STPG2: variants seen among roughly 807,000 people sequenced by gnomAD.
STPG2 encodes sperm-tail PG-rich repeat-containing protein 2.
In STPG2, 56 loss-of-function variants were observed where a neutral mutation model predicts 54.2. That is an observed-to-expected ratio of 1.03 (90% CI 0.83 to 1.29). STPG2 has a LOEUF of 1.29. Among genes scored for constraint, STPG2 ranks in the 50% most tolerant of loss-of-function variants. The pLI is 0.00. For synonymous variants in STPG2, 200 were observed against 181.8 expected (o/e 1.10, Z -0.81); for missense variants, 596 against 544.9 (o/e 1.09, Z -0.93).
chr4:97,477,860 C>T (rs1183436500), intron 4 of STPG2, among the ~76,000 whole-genome samples: 1 of 151,934 alleles, frequency 6.6e-6, no homozygotes, highest in Non-Finnish European at 1.5e-5. Flanking sequence ...TTTTCTATAT[C>T]CTTTGACAAA....
intron 10 of STPG2, among the ~76,000 whole-genome samples, chr4:97,613,248 T>A (rs1444239525): frequency 6.6e-6 from 1 of 152,072 alleles, no homozygotes; most frequent in Non-Finnish European, 1.5e-5. Context: ...AGTTCCTCAG[T>A]CTTTCCTTAT....
chr4:97,566,297 G>T (rs1732438737), intron 10 of STPG2, among the ~76,000 whole-genome samples: 1 of 152,196 alleles, frequency 6.6e-6, no homozygotes, highest in Non-Finnish European at 1.5e-5. Flanking sequence ...GAAAAGCACA[G>T]TATTGGGGTG....
At chr4:97,596,872 C>A (rs1733308820) in intron 10 of STPG2, among the ~76,000 whole-genome samples, 1 of 151,390 alleles carries the variant, frequency 6.6e-6, no homozygotes, top group African/African-American at 2.4e-5. Flanking sequence ...GAAACAAGAG[C>A]AAACAAATCC....
intron 9 of STPG2, among the ~76,000 whole-genome samples, chr4:97,737,386 G>C (rs1308006268): frequency 2.6e-5 from 4 of 152,210 alleles, no homozygotes; most frequent in African/African-American, 9.6e-5. Context: ...GTTGAGAGAA[G>C]AAGGCTTCAG....
Position 97,943,986 on chromosome 4 carries a change from C to A in STPG2, c.955G>T (p.Val319Leu), listed in dbSNP as rs768295550. 5 of 1,608,494 alleles carry A rather than the reference C, an allele frequency of 3.1e-6. No individual in the cohort carries two copies. Among genetic ancestry groups the A allele is most frequent in the Non-Finnish European group, 4.2e-6 (5 of 1,178,062 alleles). ...TTAGGTAATTCATCAGAAATTCCCA[C>A]ACCCTGTGAATGCCAAAATTCCTGT... The part of the protein sequence containing the change: ...DYQEFWHSQG[V>L]GISDELPNLT... Residue 319 changes from valine to leucine, a missense_variant, in exon 8 of 11, where the codon GTG (valine) becomes TTG (leucine). Transcript: ENST00000295268.
At chr4:97,574,178 A>C (rs1443913457) in intron 10 of STPG2, among the ~76,000 whole-genome samples, 5 of 152,088 alleles carry the variant, frequency 3.3e-5, no homozygotes, top group Non-Finnish European at 1.5e-5. Flanking sequence ...TCTAAGAAAT[A>C]ATAATTATGT....
chr4:98,085,324 T>G (rs1738472440), intron 5 of STPG2, among the ~76,000 whole-genome samples: 2 of 152,098 alleles, frequency 1.3e-5, no homozygotes, highest in African/African-American at 4.8e-5. Context: ...ACACACTATC[T>G]TGATTACCTG....
intron 4 of STPG2, among the ~76,000 whole-genome samples, chr4:97,480,867 T>C (rs1278250409): frequency 1.3e-5 from 2 of 151,642 alleles, no homozygotes. Flanking sequence ...GGATAAGGCT[T>C]GTTTTATTAT....
At chr4:97,694,965 G>A (rs928337432) in intron 10 of STPG2, among the ~76,000 whole-genome samples, 1 of 151,048 alleles carries the variant, frequency 6.6e-6, no homozygotes, top group Non-Finnish European at 1.5e-5. Context: ...AGAGAAAGAG[G>A]GAATCCTTCC....
chr4:98,018,297 T>A (rs1205988566), intron 5 of STPG2, among the ~76,000 whole-genome samples: 1 of 152,164 alleles, frequency 6.6e-6, no homozygotes, highest in African/African-American at 2.4e-5. Flanking sequence ...GATAGTTTGC[T>A]GAGAATGATG....
At chr4:97,965,969 G>T (rs1734082557) in intron 7 of STPG2, among the ~76,000 whole-genome samples, 1 of 152,180 alleles carries the variant, frequency 6.6e-6, no homozygotes, top group Admixed American at 6.5e-5. Flanking sequence ...TCCTCTAAAG[G>T]ATTGCAGATC....
rs561402289 is a variant in STPG2 at position 98,012,780 on chromosome 4, T to C, written c.613-31462A>G. On this transcript the variant is annotated intron_variant, in intron 5 of 10. Transcript: ENST00000295268. Reference sequence around the variant, plus strand: ...TATTGTTGGTGTATAGAAATGCTTGTGATTTTTGCACACTGATTTTGTATC... The same window carrying C: ...TATTGTTGGTGTATAGAAATGCTTGCGATTTTTGCACACTGATTTTGTATC... Among the ~76,000 whole-genome samples the C allele has an allele frequency of 7.9e-5, 12 of 152,346 alleles. No individual in the cohort carries two copies. The South Asian group carries it at 2.5e-3, about 32-fold the overall frequency.
At chr4:98,010,034 A>G (rs1457055822) in intron 5 of STPG2, among the ~76,000 whole-genome samples, 1 of 151,630 alleles carries the variant, frequency 6.6e-6, no homozygotes, top group African/African-American at 2.4e-5. Flanking sequence ...TGTTGATTTT[A>G]TCTTTTCAAA....
At chr4:97,656,016 T>G (rs778193944) in intron 10 of STPG2, among the ~76,000 whole-genome samples, 14 of 152,104 alleles carry the variant, frequency 9.2e-5, no homozygotes, top group Non-Finnish European at 1.9e-4. Flanking sequence ...TATTATGAGA[T>G]CAGGGATCTG....
At chr4:97,665,871 G>T (rs1282816536) in intron 10 of STPG2, among the ~76,000 whole-genome samples, 2 of 152,158 alleles carry the variant, frequency 1.3e-5, no homozygotes, top group African/African-American at 4.8e-5. Flanking sequence ...CACACACCCA[G>T]CTGGAGTGAG....
chr4:98,096,913 C>T (rs1357879386), intron 5 of STPG2, among the ~76,000 whole-genome samples: 1 of 151,910 alleles, frequency 6.6e-6, no homozygotes, highest in Non-Finnish European at 1.5e-5. Context: ...ATACAACCTA[C>T]CAAGGTTAAC....
intron 4 of STPG2, among the ~76,000 whole-genome samples, chr4:97,515,291 G>T (rs1401631816): frequency 6.6e-6 from 1 of 152,010 alleles, no homozygotes; most frequent in African/African-American, 2.4e-5. Flanking sequence ...CAGATTTAGG[G>T]TCTTGTATTC....
Position 97,568,737 on chromosome 4 carries a change from A to T in STPG2, c.1321-9620T>A, listed in dbSNP as rs571317938. On this transcript the variant is annotated intron_variant, in intron 10 of 10. Transcript: ENST00000295268. ...ATGATCCCAAACATTCTCTTGTACC[A>T]GAAATTACATTCCCAAAAAGTGCTA... 4.6e-5 allele frequency among the ~76,000 whole-genome samples: 7 copies of T among 152,322 alleles called. No individual in the cohort carries two copies. In the South Asian group the frequency reaches 1.4e-3, roughly 32 times the overall value.
intron 9 of STPG2, among the ~76,000 whole-genome samples, chr4:97,813,323 G>A (rs547710606): frequency 6.6e-6 from 1 of 152,156 alleles, no homozygotes; most frequent in African/African-American, 2.4e-5. Flanking sequence ...CGTGCAACAA[G>A]CTTCAACAAT....
Sources: gnomAD v4.1 joint callset for allele counts (sites outside exome capture counted in the v4.1 genomes callset) on GRCh38, gnomAD v4.1.1 for gene constraint, MANE v1.5 for transcripts, NCBI Gene and HGNC (gene_info 2026-07-23, HGNC 2026-07-21) for gene names.